Variants in TXLNA observed in about 807,000 individuals in gnomAD.
TXLNA encodes alpha-taxilin.
TXLNA carries 9 observed loss-of-function variants against 61.4 expected under a neutral mutation model. The ratio of observed to expected loss-of-function variants is 0.15; its 90% CI spans 0.09 to 0.26. TXLNA has a LOEUF of 0.26. Ranked by LOEUF, TXLNA falls within the 10% of genes least tolerant of loss-of-function variation. The probability of loss-of-function intolerance (pLI) is 1.00; values close to 1 mark genes in which losing one functional copy is unlikely to be tolerated. For missense variants in TXLNA, 565 were observed against 688.8 expected, an observed-to-expected ratio of 0.82 and a Z score of 2.01; for synonymous variants, 257 against 267.7, an observed-to-expected ratio of 0.96 and a Z score of 0.39.
Position 32,193,930 on chromosome 1 carries a change from T to C in TXLNA, c.1252-135T>C, listed in dbSNP as rs1204460945. 2.2e-4 allele frequency: 139 copies of C among 638,588 alleles called. 1 individual carries two copies. The highest frequency in any genetic ancestry group is 3.0e-5 in the Non-Finnish European group (11 of 363,284). 39.6% of individuals were successfully genotyped at this position (638,588 alleles called of 1,614,324 possible). On this transcript the variant is annotated intron_variant, in intron 9 of 10. Coordinates refer to ENST00000373610, the MANE Select transcript of TXLNA (RefSeq NM_175852.4). ...GTGAGGTGGCACAGAGGGCATTGAC[T>C]GCATCCTGTAATGCCTTGCGCCTTG... is the stretch of plus-strand genomic sequence containing the variant.
chr1:32,195,133 G>C lies in TXLNA; in HGVS notation c.1579G>C (p.Ala527Pro), dbSNP rs200949232. 1.9e-6 allele frequency: 3 copies of C among 1,613,762 alleles called. No individual in the cohort carries two copies. Among genetic ancestry groups the C allele is most frequent in the Admixed American group, 3.3e-5 (2 of 59,980 alleles). The stretch of plus-strand genomic sequence containing the variant: ...CACAGAAGCGCCTTGCTACCCAGGA[G>C]CACCGAGCACAGAAGCATCAGGCCA... ...RVTEAPCYPG[A>P]PSTEASGQTG... Residue 527 changes from alanine (A) to proline (P), a missense_variant, in exon 11 of 11, where the codon GCA becomes CCA. By Grantham distance (27) the Ala-to-Pro change is conservative. This residue lies in a region of TXLNA where 373 missense variants were observed against 504.0 expected (regional missense o/e 0.74). Transcript: ENST00000373610.
intron 1 of TXLNA, 28 bp downstream of exon 1, chr1:32,179,804 G>A (rs957884452): frequency 6.6e-6 from 1 of 152,458 alleles, no homozygotes; most frequent in Non-Finnish European, 1.5e-5. Context: ...CGGTGGGCGA[G>A]ACTATTTGAG....
rs548171162 is a variant in TXLNA, at chr1:32,180,849, G to A, written c.169+335G>A. Among the ~76,000 whole-genome samples, 4 of 152,332 alleles carry A rather than the reference G, an allele frequency of 2.6e-5. No homozygotes were observed. The East Asian group carries it at 7.7e-4, about 29-fold the overall frequency. ...GTTTGAGGCATTTCTAGAATGATCT[G>A]AATGGCAAGAAATGGTTTTGTGGGG... is the stretch of plus-strand genomic sequence containing the variant. On this transcript the variant is annotated intron_variant, in intron 2 of 10. Coordinates refer to ENST00000373610, the MANE Select transcript of TXLNA (RefSeq NM_175852.4).
At chr1:32,186,860 C>A (rs1447948587) in intron 4 of TXLNA, among the ~76,000 whole-genome samples, 1 of 152,224 alleles carries the variant, frequency 6.6e-6, no homozygotes, top group African/African-American at 2.4e-5. Flanking sequence ...TGAATTTGAA[C>A]ATGCTATAAA....
Position 32,192,820 on chromosome 1 carries a change from A to G in TXLNA, c.1158+89A>G. The G allele has an allele frequency of 7.3e-7, 1 of 1,367,036 alleles. No homozygotes were observed. Among genetic ancestry groups the G allele is most frequent in the Non-Finnish European group, 1.0e-6 (1 of 962,294 alleles). 84.7% of individuals were successfully genotyped at this position (1,367,036 alleles called of 1,614,324 possible). ...AGTGAAATGGGACCCTCATTCTAGG[A>G]CTGGCTGTGTCCTGGCTGCTATGAC... On this transcript the variant is annotated intron_variant, in intron 8 of 10. Transcript: ENST00000373610. The surrounding 1 kb of genome is among the most constrained non-coding windows in gnomAD (Gnocchi z 4.2).
At chr1:32,184,746 A>T in intron 4 of TXLNA, 130 bp downstream of exon 4, 1 of 590,014 alleles carries the variant, frequency 1.7e-6, no homozygotes, top group Non-Finnish European at 3.0e-6. Context: ...ACTATCTGTT[A>T]AATGGGGAAT....
In TXLNA at chr1:32,190,193, A is replaced by G. The variant is rs553960000; in HGVS notation, c.907A>G (p.Met303Val). Residue 303 changes from methionine (M) to valine (V), a missense_variant, in exon 6 of 11, where the codon ATG (methionine) becomes GTG (valine). Around this residue, in one of 2 missense-constraint regions of TXLNA, gnomAD observed 373 missense variants for 504.0 expected, o/e 0.74. Transcript: ENST00000373610. ...CAACTCCAAGCTGCGCCAAGAGAAC[A>G]TGGAGCTGGCTGAGAGGCTCAAGAA... is the stretch of plus-strand genomic sequence containing the variant. ...ERNSKLRQEN[M>V]ELAERLKKLI... 1.9e-6 allele frequency: 3 copies of G among 1,605,408 alleles called. No homozygotes were observed. Among genetic ancestry groups the G allele is most frequent in the East Asian group, 2.2e-5 (1 of 44,674 alleles).
chr1:32,185,444 G>A (rs1642766371), intron 4 of TXLNA, among the ~76,000 whole-genome samples: 1 of 152,064 alleles, frequency 6.6e-6, no homozygotes, highest in African/African-American at 2.4e-5. Flanking sequence ...CCAGGCTGGG[G>A]TGCAGTGGCA....
chr1:32,194,232 T>G, intron 10 of TXLNA, 72 bp downstream of exon 10: 1 of 1,256,164 alleles, frequency 8.0e-7, no homozygotes, highest in East Asian at 2.4e-5. Context: ...TCCTGTATGT[T>G]CTACCCATCA....
rs1642627310 is a variant in TXLNA, at chr1:32,180,396, AAGC to A, written c.55_57del (p.Ser19del). The stretch of plus-strand genomic sequence containing the variant: ...GGGCTGCCAAACAATCCAATCCAAA[AAGC>A]AGCCCAGGACAACCGGAAGCAGGAC... On this transcript the variant is annotated inframe_deletion, in exon 2 of 11. Transcript: ENST00000373610. The A allele has an allele frequency of 2.5e-6, 4 of 1,613,934 alleles. No homozygotes were observed. The highest frequency in any genetic ancestry group is 1.3e-5 in the African/African-American group (1 of 74,924).
At chr1:32,189,507 T>TA (rs1642858998) in intron 5 of TXLNA, among the ~76,000 whole-genome samples, 1 of 151,752 alleles carries the variant, frequency 6.6e-6, no homozygotes, top group African/African-American at 2.4e-5. Context: ...ACTTAGCACT[T>TA]ACATGTGTGC....
intron 4 of TXLNA, 33 bp downstream of exon 4, chr1:32,184,649 C>T (rs111273711): frequency 6.5e-5 from 98 of 1,517,006 alleles, no homozygotes; most frequent in East Asian, 3.2e-4. Context: ...ACCTTCCCTG[C>T]GTTGGGAAAA....
Position 32,197,534 on chromosome 1 carries a change from T to G in TXLNA, c.*2339T>G, listed in dbSNP as rs1257699405. The G allele has an allele frequency of 1.3e-5, 2 of 152,322 alleles. No homozygotes were observed. Among genetic ancestry groups the G allele is most frequent in the African/African-American group, 4.8e-5 (2 of 41,470 alleles). The allele number at this position is 152,322 out of a possible 1,614,324, so 9.4% of individuals were successfully genotyped here. On this transcript the variant is annotated 3_prime_UTR_variant, in exon 11 of 11. Transcript: ENST00000373610. The surrounding 1 kb of genome is among the most constrained non-coding windows in gnomAD (Gnocchi z 4.6). ...AACCAATCACTACAGCTGCTCTGCT[T>G]CTGCTTTCCAAAGTAGCCCAGGTCC...
chr1:32,179,843 G>GTC (rs1642610732), intron 1 of TXLNA, 67 bp downstream of exon 1: 1 of 152,404 alleles, frequency 6.6e-6, no homozygotes, highest in Non-Finnish European at 1.5e-5. Flanking sequence ...TTCTCGGCCT[G>GTC]TGGGGAAATC....
intron 6 of TXLNA, 51 bp downstream of exon 6, chr1:32,190,300 G>C: frequency 6.5e-7 from 1 of 1,527,774 alleles, no homozygotes; most frequent in Non-Finnish European, 8.9e-7. Flanking sequence ...GAGGTTTTGA[G>C]TGTGTGCTAG....
chr1:32,180,238 C>T (rs936864015), intron 1 of TXLNA, 76 bp from the exon 2 acceptor site: 4 of 1,393,196 alleles, frequency 2.9e-6, no homozygotes, highest in Non-Finnish European at 3.8e-6. Context: ...CTTTGTGCGC[C>T]TGCTGTGGGG....
chr1:32,182,095 A>G, intron 3 of TXLNA, among the ~76,000 whole-genome samples: 1 of 115,148 alleles, frequency 8.7e-6, no homozygotes, highest in South Asian at 3.8e-4. Flanking sequence ...GGGTGCAGTC[A>G]GGCTTTTTTT....
intron 3 of TXLNA, 27 bp downstream of exon 3, chr1:32,181,604 G>A: frequency 6.7e-7 from 1 of 1,496,500 alleles, no homozygotes; most frequent in Non-Finnish European, 8.9e-7. Context: ...TCTTTGTGAA[G>A]CTGGTGAGGA....
intron 4 of TXLNA, among the ~76,000 whole-genome samples, chr1:32,185,779 A>T (rs1421571537): frequency 6.7e-6 from 1 of 149,038 alleles, no homozygotes; most frequent in African/African-American, 2.5e-5. Context: ...GCTCATTGCA[A>T]CCTCCACCTC....
Sources: allele counts gnomAD v4.1 joint callset (sites outside exome capture counted in the v4.1 genomes callset), GRCh38; gene constraint gnomAD v4.1.1; regional missense constraint gnomAD v4.1.1; non-coding constraint Gnocchi (gnomAD v3.1); transcripts MANE v1.5; gene names NCBI Gene and HGNC (gene_info 2026-07-23, HGNC 2026-07-21).